Variants in JAKMIP1 observed in about 807,000 individuals in gnomAD.
JAKMIP1 encodes janus kinase and microtubule interacting protein 1.
Under a neutral mutation model 113.0 loss-of-function variants are expected in JAKMIP1, and 33 were observed. That is an observed-to-expected ratio of 0.29 (90% CI 0.22 to 0.39). The LOEUF (loss-of-function observed/expected upper bound fraction) is 0.39, where lower values mean the gene tolerates loss of function less well. Ranked by LOEUF, JAKMIP1 falls within the 10% of genes least tolerant of loss-of-function variation. The probability of loss-of-function intolerance (pLI) is 1.00; values close to 1 mark genes in which losing one functional copy is unlikely to be tolerated. For missense variants in JAKMIP1, 813 were observed against 1,080.5 expected, an observed-to-expected ratio of 0.75 and a Z score of 3.47; for synonymous variants, 480 against 459.9, an observed-to-expected ratio of 1.04 and a Z score of -0.56.
intron 18 of JAKMIP1, among the ~76,000 whole-genome samples, chr4:6,038,523 G>A (rs149586468): frequency 8.0e-5 from 12 of 150,686 alleles, no homozygotes; most frequent in Admixed American, 2.6e-4. Flanking sequence ...GAGGCTAACC[G>A]GTATCCCTCC....
chr4:6,114,163 A>G (rs1715390568), intron 1 of JAKMIP1, among the ~76,000 whole-genome samples: 1 of 152,200 alleles, frequency 6.6e-6, no homozygotes, highest in Non-Finnish European at 1.5e-5. Context: ...TAGGGAATGA[A>G]TGCAGAGCGA....
rs1423664821 is a variant in JAKMIP1 at position 6,178,178 on chromosome 4, C to T, written c.-148+22075G>A. On this transcript the variant is annotated intron_variant, in intron 1 of 20. Coordinates refer to ENST00000409021, the MANE Select transcript of JAKMIP1 (RefSeq NM_001099433.2). This position sits in a 1 kb window ranked among gnomAD's most constrained non-coding sequence, Gnocchi z 5.5. Reference sequence around the variant, plus strand: ...CTTTGATATATTTAGCTTTGTCCCCCATGGGTATAAAAAAATGACCCTTTA... The same window carrying T: ...CTTTGATATATTTAGCTTTGTCCCCTATGGGTATAAAAAAATGACCCTTTA... Among the ~76,000 whole-genome samples the T allele has an allele frequency of 6.6e-6, 1 of 152,182 alleles. No individual in the cohort carries two copies. The highest frequency in any genetic ancestry group is 1.5e-5 in the Non-Finnish European group (1 of 68,028).
intron 1 of JAKMIP1, among the ~76,000 whole-genome samples, chr4:6,126,727 GCA>G (rs1208901940): frequency 8.3e-6 from 1 of 120,156 alleles, no homozygotes; most frequent in Non-Finnish European, 1.7e-5. Context: ...AGAAACAAAT[GCA>G]CACACACACA....
At chr4:6,100,853 G>C (rs1192611416) in intron 3 of JAKMIP1, among the ~76,000 whole-genome samples, 1 of 152,020 alleles carries the variant, frequency 6.6e-6, no homozygotes, top group Non-Finnish European at 1.5e-5. Context: ...ATATTTGTTA[G>C]TCATTTAATT....
Position 6,179,116 on chromosome 4 carries a change from TC to T in JAKMIP1, c.-148+21136del, listed in dbSNP as rs1354682138. Among the ~76,000 whole-genome samples the T allele has an allele frequency of 1.3e-5, 2 of 152,204 alleles. No individual in the cohort carries two copies. Among genetic ancestry groups the T allele is most frequent in the African/African-American group, 4.8e-5 (2 of 41,446 alleles). On this transcript the variant is annotated intron_variant, in intron 1 of 20. Coordinates refer to ENST00000409021, the MANE Select transcript of JAKMIP1 (RefSeq NM_001099433.2). This position sits in a 1 kb window ranked among gnomAD's most constrained non-coding sequence, Gnocchi z 4.5. ...AATGTGCTTTTCAAACCTTTGTTGC[TC>T]TTTTTCATGAAATGGTCTTAGAAGG...
rs537587432 is a variant in JAKMIP1 at position 6,153,910 on chromosome 4, C to A, written c.-147-40913G>T. On this transcript the variant is annotated intron_variant, in intron 1 of 20. Transcript: ENST00000409021. This position sits in a 1 kb window ranked among gnomAD's most constrained non-coding sequence, Gnocchi z 4.9. ...GCACTCTCACTGAGAAATGCGGAAC[C>A]AGCTACCCGCTCCCTGAGGCCCCTT... Among the ~76,000 whole-genome samples the A allele has an allele frequency of 2.0e-5, 3 of 152,352 alleles. No homozygotes were observed. The highest frequency in any genetic ancestry group is 4.8e-5 in the African/African-American group (2 of 41,580).
At chr4:6,046,554 G>A (rs916328815) in intron 16 of JAKMIP1, among the ~76,000 whole-genome samples, 2 of 152,236 alleles carry the variant, frequency 1.3e-5, no homozygotes, top group African/African-American at 4.8e-5. Flanking sequence ...ACCAGCTTGG[G>A]GAGGTTGGTG....
At chr4:6,171,811 GT>G (rs1174410410) in intron 1 of JAKMIP1, among the ~76,000 whole-genome samples, 3 of 152,214 alleles carry the variant, frequency 2.0e-5, no homozygotes, top group Non-Finnish European at 4.4e-5. Flanking sequence ...GGCTGAATGT[GT>G]TGACAATCCC....
rs1215576319 is a variant in JAKMIP1 at position 6,158,599 on chromosome 4, TA to T, written c.-148+41653del. Among the ~76,000 whole-genome samples the T allele has an allele frequency of 6.6e-6, 1 of 152,118 alleles. No individual in the cohort carries two copies. The highest frequency in any genetic ancestry group is 2.4e-5 in the African/African-American group (1 of 41,418). ...TGCGGGAGTGGTCAACTCCATCCCA[TA>T]GGGCCATTTCTCCACCCCCCACCCC... is the stretch of plus-strand genomic sequence containing the variant. On this transcript the variant is annotated intron_variant, in intron 1 of 20. Coordinates refer to ENST00000409021, the MANE Select transcript of JAKMIP1 (RefSeq NM_001099433.2). This position sits in a 1 kb window ranked among gnomAD's most constrained non-coding sequence, Gnocchi z 5.3.
At chr4:6,028,524 T>C (rs1712157522) in intron 20 of JAKMIP1, among the ~76,000 whole-genome samples, 1 of 152,260 alleles carries the variant, frequency 6.6e-6, no homozygotes, top group Admixed American at 6.5e-5. Flanking sequence ...CCCATCTCTC[T>C]GGGCACATGG....
At chr4:6,128,194 G>C (rs1172037066) in intron 1 of JAKMIP1, among the ~76,000 whole-genome samples, 1 of 152,202 alleles carries the variant, frequency 6.6e-6, no homozygotes, top group Non-Finnish European at 1.5e-5. Flanking sequence ...TCACCTCCCA[G>C]GTGGGTCACT....
In JAKMIP1 at chr4:6,081,771, G is replaced by C. The variant is rs1027237400; in HGVS notation, c.955-16C>G. On this transcript the variant is annotated splice_polypyrimidine_tract_variant and intron_variant, in intron 5 of 20. Coordinates refer to ENST00000409021, the MANE Select transcript of JAKMIP1 (RefSeq NM_001099433.2). The surrounding 1 kb of genome is among the most constrained non-coding windows in gnomAD (Gnocchi z 4.6). ...AGCGTTTCAGCTGTGGTTGGAAACA[G>C]ACACAGAGGCTCAGACAACTTGACG... The C allele has an allele frequency of 6.2e-6, 10 of 1,613,992 alleles. No homozygotes were observed. Among genetic ancestry groups the C allele is most frequent in the African/African-American group, 2.7e-5 (2 of 74,920 alleles).
chr4:6,048,982 G>T, intron 15 of JAKMIP1, 60 bp from the exon 16 acceptor site: 2 of 1,301,736 alleles, frequency 1.5e-6, no homozygotes, highest in Non-Finnish European at 2.2e-6. Flanking sequence ...CGTGCAGACA[G>T]TCAGCACCAA....
chr4:6,051,492 G>A lies in JAKMIP1; in HGVS notation c.1807-813C>T, dbSNP rs928625315. ...AGACCTCAGGTGATCCACCCGCCTC[G>A]GCCTCCCAAAGTGCTGGGATTACAG... On this transcript the variant is annotated intron_variant, in intron 13 of 20. Transcript: ENST00000409021. This position sits in a 1 kb window ranked among gnomAD's most constrained non-coding sequence, Gnocchi z 5.0. Among the ~76,000 whole-genome samples the A allele has an allele frequency of 2.0e-5, 3 of 151,932 alleles. No homozygotes were observed. Among genetic ancestry groups the A allele is most frequent in the Non-Finnish European group, 4.4e-5 (3 of 68,004 alleles).
rs1426377478 is a variant in JAKMIP1, at chr4:6,137,233, G to A, written c.-147-24236C>T. The stretch of plus-strand genomic sequence containing the variant: ...GCCTCCTCCACCTGACAGGACATGT[G>A]CTATGCCAGGTCCTGGCTTCCCCGT... On this transcript the variant is annotated intron_variant, in intron 1 of 20. Transcript: ENST00000409021. This position sits in a 1 kb window ranked among gnomAD's most constrained non-coding sequence, Gnocchi z 4.5. Among the ~76,000 whole-genome samples the A allele has an allele frequency of 6.6e-6, 1 of 152,172 alleles. No homozygotes were observed. Among genetic ancestry groups the A allele is most frequent in the Admixed American group, 6.5e-5 (1 of 15,284 alleles).
At chr4:6,054,557 A>G (rs1298019501) in intron 12 of JAKMIP1, among the ~76,000 whole-genome samples, 1 of 152,218 alleles carries the variant, frequency 6.6e-6, no homozygotes, top group Non-Finnish European at 1.5e-5. Context: ...CACCAGATTC[A>G]ACCCACCCAG....
In JAKMIP1 at chr4:6,176,943, G is replaced by A. The variant is rs535964679; in HGVS notation, c.-148+23310C>T. ...AGCTACTGGGGAGGCTGAGGTGGGA[G>A]GATCGCTTGCATCGGGGAGGTTGAG... On this transcript the variant is annotated intron_variant, in intron 1 of 20. Transcript: ENST00000409021. This position sits in a 1 kb window ranked among gnomAD's most constrained non-coding sequence, Gnocchi z 5.5. 1.9e-3 allele frequency among the ~76,000 whole-genome samples: 288 copies of A among 152,292 alleles called. 1 individual carries two copies. Among genetic ancestry groups the A allele is most frequent in the Middle Eastern group, 0.01 (3 of 294 alleles).
rs1379898959 is a variant in JAKMIP1, at chr4:6,059,589, G to A, written c.1644+835C>T. On this transcript the variant is annotated intron_variant, in intron 11 of 20. Transcript: ENST00000409021. The surrounding 1 kb of genome is among the most constrained non-coding windows in gnomAD (Gnocchi z 4.8). The stretch of plus-strand genomic sequence containing the variant: ...GCACCCTCACTGTTAGTGGGGCCAC[G>A]TGACTGATGAATTTTGCTGAGGCAG... Among the ~76,000 whole-genome samples the A allele has an allele frequency of 6.6e-6, 1 of 151,968 alleles. No individual in the cohort carries two copies. The highest frequency in any genetic ancestry group is 1.5e-5 in the Non-Finnish European group (1 of 68,020).
intron 3 of JAKMIP1, among the ~76,000 whole-genome samples, chr4:6,096,156 G>T (rs1367101486): frequency 1.3e-5 from 2 of 152,138 alleles, no homozygotes; most frequent in Non-Finnish European, 2.9e-5. Flanking sequence ...CCTGCCAAAG[G>T]CACCTGCTGT....
Sources: gnomAD v4.1 joint callset for allele counts (sites outside exome capture counted in the v4.1 genomes callset) on GRCh38, gnomAD v4.1.1 for gene constraint, Gnocchi (gnomAD v3.1) non-coding constraint, MANE v1.5 for transcripts, NCBI Gene and HGNC (gene_info 2026-07-23, HGNC 2026-07-21) for gene names.